CD247: variants seen among roughly 807,000 people sequenced by gnomAD.
The protein encoded by CD247 is CD247 molecule, also known as T-cell surface glycoprotein CD3 zeta chain.
In CD247, 13 loss-of-function variants were observed where a neutral mutation model predicts 30.0. The ratio of observed to expected loss-of-function variants is 0.43; its 90% CI spans 0.28 to 0.69. The LOEUF is 0.69. Among genes scored for constraint, CD247 ranks in the 30% least tolerant of loss-of-function variants. CD247 has a pLI of 0.16. For missense variants in CD247, 193 were observed against 212.6 expected (o/e 0.91, Z 0.57); for synonymous variants, 72 against 80.0 (o/e 0.90, Z 0.53).
At chr1:167,493,232 A>G (rs773477278) in intron 1 of CD247, among the ~76,000 whole-genome samples, 26 of 151,654 alleles carry the variant, frequency 1.7e-4, no homozygotes, top group Non-Finnish European at 3.7e-4. Context: ...TAGTAGAGAC[A>G]GGGCTTCACC....
chr1:167,495,632 A>G (rs1444357644), intron 1 of CD247, among the ~76,000 whole-genome samples: 1 of 152,078 alleles, frequency 6.6e-6, no homozygotes, highest in East Asian at 1.9e-4. Context: ...CTTAGAGCAA[A>G]ATGTCCTTCA....
intron 1 of CD247, among the ~76,000 whole-genome samples, chr1:167,499,440 CTG>C (rs1654818658): frequency 6.6e-6 from 1 of 152,176 alleles, no homozygotes; most frequent in Non-Finnish European, 1.5e-5. Context: ...TAGGGTTAAA[CTG>C]TATAGATTTA....
chr1:167,455,467 G>T (rs1213961310), intron 1 of CD247, among the ~76,000 whole-genome samples: 2 of 152,132 alleles, frequency 1.3e-5, no homozygotes, highest in African/African-American at 4.8e-5. Flanking sequence ...AGGAACCTCC[G>T]GCCCTTCCTC....
At chr1:167,449,149 C>CTTTTTTTTTTTTCTTTTTT (rs755463661) in intron 1 of CD247, among the ~76,000 whole-genome samples, 6 of 66,430 alleles carry the variant, frequency 9.0e-5, no homozygotes, top group East Asian at 7.0e-4. Flanking sequence ...TTTTTCTTTT[C>CTTTTTTTTTTTTCTTTTTT]TTTTTTTTTT....
At chr1:167,510,809 C>T (rs1195264102) in intron 1 of CD247, among the ~76,000 whole-genome samples, 2 of 152,132 alleles carry the variant, frequency 1.3e-5, no homozygotes, top group Admixed American at 6.5e-5. Context: ...ATTCTGAGCC[C>T]TCCTCCCCAC....
At chr1:167,508,657 C>T (rs1337204465) in intron 1 of CD247, among the ~76,000 whole-genome samples, 1 of 152,162 alleles carries the variant, frequency 6.6e-6, no homozygotes, top group Non-Finnish European at 1.5e-5. Flanking sequence ...AAAGATTTCT[C>T]TCGACTCTGT....
chr1:167,431,104 C>T lies in CD247; in HGVS notation c.*577G>A, dbSNP rs905098573. 1 of 423,700 alleles carries T rather than the reference C, an allele frequency of 2.4e-6. No individual in the cohort carries two copies. The highest frequency in any genetic ancestry group is 2.0e-5 in the African/African-American group (1 of 49,226). 26.2% of individuals were successfully genotyped at this position (423,700 alleles called of 1,614,324 possible). A position where few individuals can be genotyped will look rare whatever the true frequency, so the allele number is the denominator to read the frequency against. On this transcript the variant is annotated 3_prime_UTR_variant, in exon 8 of 8. Coordinates refer to ENST00000362089, the MANE Select transcript of CD247 (RefSeq NM_198053.3). ...CTCGCAGGCCCTGGCTGACCCTCCC[C>T]TGCCCGCCCACCTTCCCATGCCCCT...
chr1:167,479,516 C>T (rs998312925), intron 1 of CD247, among the ~76,000 whole-genome samples: 8 of 152,170 alleles, frequency 5.3e-5, no homozygotes, highest in South Asian at 4.1e-4. Context: ...CCACACACTA[C>T]GGCCCAGCGG....
At chr1:167,490,201 T>C (rs57593647) in intron 1 of CD247, among the ~76,000 whole-genome samples, 6,540 of 152,248 alleles carry the variant, frequency 0.043, 163 homozygotes, top group Middle Eastern at 0.1. Context: ...GGCCTCACAT[T>C]TCCAAAAGCA....
chr1:167,486,790 G>T (rs912601738), intron 1 of CD247, among the ~76,000 whole-genome samples: 13 of 152,244 alleles, frequency 8.5e-5, no homozygotes, highest in Non-Finnish European at 1.5e-4. Flanking sequence ...TGGCAGCTCT[G>T]GGTGGGCATG....
chr1:167,432,272 G>A (rs376598667), intron 7 of CD247, among the ~76,000 whole-genome samples: 1 of 152,176 alleles, frequency 6.6e-6, no homozygotes, highest in East Asian at 1.9e-4. Context: ...GTCACGAACA[G>A]GCCCACAAGG....
At chr1:167,514,195 G>A (rs1265924624) in intron 1 of CD247, among the ~76,000 whole-genome samples, 1 of 152,040 alleles carries the variant, frequency 6.6e-6, no homozygotes, top group Non-Finnish European at 1.5e-5. Flanking sequence ...GGAGTGCAGT[G>A]GTACGATCTC....
At chr1:167,439,478 C>T in intron 2 of CD247, 78 bp from the exon 3 acceptor site, 3 of 1,293,428 alleles carry the variant, frequency 2.3e-6, no homozygotes, top group Non-Finnish European at 3.4e-6. Flanking sequence ...CGCGCGGCGA[C>T]CCGAGGGACA....
At chr1:167,488,802 T>C (rs1654318533) in intron 1 of CD247, among the ~76,000 whole-genome samples, 1 of 152,244 alleles carries the variant, frequency 6.6e-6, no homozygotes, top group African/African-American at 2.4e-5. Context: ...AGTATTTCCC[T>C]TTCTGCATGT....
chr1:167,483,022 T>TCTTTCTTTCTTTCTTTCTTTCTTGC (rs1654040500), intron 1 of CD247, among the ~76,000 whole-genome samples: 1 of 150,332 alleles, frequency 6.7e-6, no homozygotes, highest in Non-Finnish European at 1.5e-5. Flanking sequence ...CTTTTTTTTT[T>TCTTTCTTTCTTTCTTTCTTTCTTGC]TTTGAGACTG....
At chr1:167,504,325 T>C (rs1293710895) in intron 1 of CD247, among the ~76,000 whole-genome samples, 2 of 152,212 alleles carry the variant, frequency 1.3e-5, no homozygotes, top group East Asian at 3.9e-4. Context: ...ATCCCTCTCC[T>C]CTAGAAATGT....
At chr1:167,455,058 C>T (rs1235624924) in intron 1 of CD247, among the ~76,000 whole-genome samples, 1 of 152,226 alleles carries the variant, frequency 6.6e-6, no homozygotes, top group African/African-American at 2.4e-5. Flanking sequence ...CGCGCCTGGG[C>T]TCCTCCCGCT....
chr1:167,470,367 T>TC (rs750309444), intron 1 of CD247, among the ~76,000 whole-genome samples: 11 of 152,082 alleles, frequency 7.2e-5, no homozygotes, highest in Non-Finnish European at 1.5e-4. Context: ...TCCTTATTTC[T>TC]CCCCCAGCAA....
At chr1:167,472,557 G>A (rs1387482670) in intron 1 of CD247, among the ~76,000 whole-genome samples, 2 of 151,812 alleles carry the variant, frequency 1.3e-5, no homozygotes, top group Non-Finnish European at 2.9e-5. Context: ...TTTTTTTCAA[G>A]GGGACAGTAA....
Sources: allele counts gnomAD v4.1 joint callset (sites outside exome capture counted in the v4.1 genomes callset), GRCh38; gene constraint gnomAD v4.1.1; transcripts MANE v1.5; gene names NCBI Gene and HGNC (gene_info 2026-07-23, HGNC 2026-07-21).